The following MARK3 variants were observed in gnomAD, a reference collection of about 807,000 sequenced individuals.
The protein encoded by MARK3 is MAP/microtubule affinity-regulating kinase 3.
MARK3 carries 46 observed loss-of-function variants against 90.1 expected under a neutral mutation model. The observed-to-expected ratio is 0.51, with a 90% CI of 0.40 to 0.65. The LOEUF (loss-of-function observed/expected upper bound fraction) is 0.65, where lower values mean the gene tolerates loss of function less well. Among genes scored for constraint, MARK3 ranks in the 30% least tolerant of loss-of-function variants. The pLI is 0.00. For missense variants in MARK3, 818 were observed against 947.2 expected (o/e 0.86, Z 1.79); for synonymous variants, 321 against 332.6 (o/e 0.97, Z 0.38).
intron 14 of MARK3, among the ~76,000 whole-genome samples, chr14:103,488,294 G>A (rs1446547807): frequency 1.3e-5 from 2 of 151,994 alleles, no homozygotes; most frequent in East Asian, 1.9e-4. Context: ...TCCATGATTG[G>A]GCTCGGCACC....
At chr14:103,459,874 G>A (rs929436625) in intron 6 of MARK3, among the ~76,000 whole-genome samples, 39 of 151,590 alleles carry the variant, frequency 2.6e-4, no homozygotes, top group African/African-American at 6.8e-4. Flanking sequence ...AGTAAAACAA[G>A]TTTTTCTATT....
rs747903624 is a variant in MARK3 at position 103,468,064 on chromosome 14, A to G, written c.1142A>G (p.Asn381Ser). Residue 381 changes from asparagine (N) to serine (S), a missense_variant, in exon 12 of 18, where the codon AAT becomes AGT. By Grantham distance (46) the Asn-to-Ser change is conservative (BLOSUM62 1). Transcript: ENST00000429436. ...LDASDSSSSSNLSLAKVRPSS... is the reference protein window; with the variant it reads ...LDASDSSSSSSLSLAKVRPSS... ...GCTAGTGATTCCAGTTCTAGCAGCA[A>G]TCTTTCACTTGCTAAGGTTAGGCCG... The G allele has an allele frequency of 1.2e-5, 20 of 1,613,814 alleles. No individual in the cohort carries two copies. The Middle Eastern group carries it at 4.9e-4, about 40-fold the overall frequency.
intron 3 of MARK3, among the ~76,000 whole-genome samples, chr14:103,430,741 A>G (rs551805545): frequency 1.3e-5 from 2 of 152,328 alleles, no homozygotes; most frequent in Non-Finnish European, 2.9e-5. Context: ...ATGCACATAT[A>G]AGTAAACCTG....
At chr14:103,485,285 T>G (rs1285381786) in intron 14 of MARK3, among the ~76,000 whole-genome samples, 3 of 134,580 alleles carry the variant, frequency 2.2e-5, no homozygotes, top group East Asian at 2.1e-4. Context: ...TTAAGATGGA[T>G]GGAGTCTTGC....
At chr14:103,420,662 CAGGCAGAT>C (rs977897277) in intron 2 of MARK3, among the ~76,000 whole-genome samples, 1 of 152,142 alleles carries the variant, frequency 6.6e-6, no homozygotes, top group Non-Finnish European at 1.5e-5. Flanking sequence ...TATTCATTTC[CAGGCAGAT>C]AGTTAATACT....
rs554700485 is a variant in MARK3 at position 103,385,807 on chromosome 14, C to T, written c.-223C>T. 3.0e-5 allele frequency: 13 copies of T among 435,408 alleles called. No individual in the cohort carries two copies. Among genetic ancestry groups the T allele is most frequent in the Middle Eastern group, 5.9e-4 (1 of 1,696 alleles). 27.0% of individuals were successfully genotyped at this position (435,408 alleles called of 1,614,324 possible). On this transcript the variant is annotated 5_prime_UTR_variant, in exon 1 of 18. Transcript: ENST00000429436. ...TCCGCCACTGCCGCCCTCCCGGTCT[C>T]CTCGCCTCGGCCGCCGAGGCAGGGA...
intron 3 of MARK3, among the ~76,000 whole-genome samples, chr14:103,437,940 A>G (rs1316040368): frequency 6.6e-6 from 1 of 152,200 alleles, no homozygotes; most frequent in African/African-American, 2.4e-5. Flanking sequence ...ATCAAATTCT[A>G]CACACACTTT....
intron 15 of MARK3, among the ~76,000 whole-genome samples, chr14:103,492,911 A>G (rs2075087293): frequency 6.6e-6 from 1 of 152,202 alleles, no homozygotes; most frequent in Non-Finnish European, 1.5e-5. Context: ...GTTTCAGGAC[A>G]TCCTTGGAGA....
intron 3 of MARK3, among the ~76,000 whole-genome samples, chr14:103,446,779 A>G (rs1374793695): frequency 7.6e-6 from 1 of 131,826 alleles, no homozygotes; most frequent in Admixed American, 8.7e-5. Flanking sequence ...GTGCAGTGGC[A>G]TGATCTCAGC....
chr14:103,433,417 G>A (rs2092639926), intron 3 of MARK3, among the ~76,000 whole-genome samples: 2 of 152,036 alleles, frequency 1.3e-5, no homozygotes. Flanking sequence ...TCAGGGGCTG[G>A]ACGCAGTGGC....
At position 103,491,966 on chromosome 14, in the gene MARK3, A is replaced by G. The variant is rs747779082; in HGVS notation, c.1776A>G (p.Pro592=). Residue 592 remains proline, a synonymous_variant, in exon 15 of 18, where the codon CCA becomes CCG. Transcript: ENST00000429436. ...CCAGCCTGTCCCATGAAGCCACACCATTGTCCCAGACTCGAAGCCGAGGCT... is the reference window on the plus strand; with the variant it reads ...CCAGCCTGTCCCATGAAGCCACACCGTTGTCCCAGACTCGAAGCCGAGGCT... ...ASPSLSHEAT[P]LSQTRSRGST... 4 of 1,614,106 alleles carry G rather than the reference A, an allele frequency of 2.5e-6. No homozygotes were observed. The highest frequency in any genetic ancestry group is 3.4e-6 in the Non-Finnish European group (4 of 1,180,032).
intron 2 of MARK3, among the ~76,000 whole-genome samples, chr14:103,416,794 A>C (rs908830118): frequency 3.9e-5 from 6 of 151,934 alleles, no homozygotes; most frequent in African/African-American, 1.5e-4. Context: ...AAAGAAAATA[A>C]AGTAAAGAAA....
Position 103,409,435 on chromosome 14 carries a change from T to TA in MARK3, c.243+4198dup, listed in dbSNP as rs61200962. On this transcript the variant is annotated intron_variant, in intron 2 of 17. Transcript: ENST00000429436. ...TGCACATGTATCCCAGAACTTAAAGTAAAAAAAAAAAAAAAAAAAAAAAAA... is the reference window on the plus strand; with the variant it reads ...TGCACATGTATCCCAGAACTTAAAGTAAAAAAAAAAAAAAAAAAAAAAAAAA... Among the ~76,000 whole-genome samples, 204 of 93,422 alleles carry TA rather than the reference T, an allele frequency of 2.2e-3. 2 individuals carry two copies. Among genetic ancestry groups the TA allele is most frequent in the Non-Finnish European group, 3.1e-3 (150 of 48,554 alleles). 61.3% of individuals were successfully genotyped at this position (93,422 alleles called of 152,430 possible).
At chr14:103,403,089 G>T (rs928143637) in intron 1 of MARK3, among the ~76,000 whole-genome samples, 2 of 134,364 alleles carry the variant, frequency 1.5e-5, no homozygotes, top group Non-Finnish European at 3.1e-5. Flanking sequence ...AGTACGAATA[G>T]GATGACCCAA....
chr14:103,448,888 GAT>G (rs754696267), intron 3 of MARK3, 29 bp from the exon 4 acceptor site: 3 of 1,535,482 alleles, frequency 2.0e-6, no homozygotes, highest in South Asian at 1.2e-5. Context: ...GTGTTGGGGG[GAT>G]TATGTGTTTT....
Position 103,475,027 on chromosome 14 carries a change from G to A in MARK3, c.1299G>A (p.Pro433=), listed in dbSNP as rs376526401. The A allele has an allele frequency of 3.4e-5, 55 of 1,613,934 alleles. No homozygotes were observed. Among genetic ancestry groups the A allele is most frequent in the Non-Finnish European group, 4.5e-5 (53 of 1,179,942 alleles). The change falls in exon 13 of 18, where the codon CCG becomes CCA. Residue 433 remains proline, a synonymous_variant. Transcript: ENST00000429436. ...CTATTCCTTCTGTTGTGGCGTATCC[G>A]AAAAGGAGTCAGACCAGCACTGCAG... ...GPAIPSVVAY[P]KRSQTSTADS...
Position 103,457,996 on chromosome 14 carries a change from G to T in MARK3, c.483+784G>T, listed in dbSNP as rs997206699. Among the ~76,000 whole-genome samples the T allele has an allele frequency of 2.0e-5, 3 of 152,136 alleles. No homozygotes were observed. In the East Asian group the frequency reaches 5.8e-4, roughly 29 times the overall value. Reference sequence around the variant, plus strand: ...AAGTAGGAGACCTGCCATAGACTCAGAGTCCCAAACCCTCTGACCCCAAAA... The same window carrying T: ...AAGTAGGAGACCTGCCATAGACTCATAGTCCCAAACCCTCTGACCCCAAAA... On this transcript the variant is annotated intron_variant, in intron 6 of 17. Transcript: ENST00000429436.
At chr14:103,481,491 C>T (rs1387553519) in intron 14 of MARK3, among the ~76,000 whole-genome samples, 2 of 152,266 alleles carry the variant, frequency 1.3e-5, no homozygotes, top group Middle Eastern at 3.4e-3. Context: ...CCTCCTTCAT[C>T]CTTAGTTCCA....
At chr14:103,452,469 G>GTTTTTTTTTTTTTTTTTTTTT (rs1404035040) in intron 5 of MARK3, among the ~76,000 whole-genome samples, 3 of 84,180 alleles carry the variant, frequency 3.6e-5, no homozygotes, top group Admixed American at 1.3e-4. Flanking sequence ...TACAGGATTT[G>GTTTTTTTTTTTTTTTTTTTTT]TCTTTTTTTT....
Sources: allele counts gnomAD v4.1 joint callset (sites outside exome capture counted in the v4.1 genomes callset), GRCh38; gene constraint gnomAD v4.1.1; transcripts MANE v1.5; gene names NCBI Gene and HGNC (gene_info 2026-07-23, HGNC 2026-07-21).